RAB8B: variants seen among roughly 807,000 people sequenced by gnomAD.
The protein encoded by RAB8B is RAB8B, member RAS oncogene family, also known as ras-related protein Rab-8B.
Under a neutral mutation model 32.0 loss-of-function variants are expected in RAB8B, and 11 were observed. The observed-to-expected ratio is 0.34, with a 90% CI of 0.22 to 0.57. RAB8B has a LOEUF of 0.57. Among genes scored for constraint, RAB8B ranks in the 20% least tolerant of loss-of-function variants. The pLI is 0.86. For synonymous variants in RAB8B, 103 were observed against 89.6 expected, an observed-to-expected ratio of 1.15 and a Z score of -0.85; for missense variants, 190 against 258.5, an observed-to-expected ratio of 0.73 and a Z score of 1.82.
chr15:63,245,635 G>C (rs968288959), intron 2 of RAB8B, among the ~76,000 whole-genome samples: 1 of 152,156 alleles, frequency 6.6e-6, no homozygotes, highest in Non-Finnish European at 1.5e-5. Context: ...CAGGTTGAGG[G>C]CTGGGTCCCG....
At chr15:63,227,346 C>T (rs1567014731) in intron 1 of RAB8B, among the ~76,000 whole-genome samples, 1 of 152,164 alleles carries the variant, frequency 6.6e-6, no homozygotes, top group Non-Finnish European at 1.5e-5. Flanking sequence ...AGAAATCCTG[C>T]CCCAGGCTTG....
chr15:63,222,663 G>A (rs888541400), intron 1 of RAB8B, among the ~76,000 whole-genome samples: 4 of 151,768 alleles, frequency 2.6e-5, no homozygotes, highest in South Asian at 2.1e-4. Context: ...TCAGCCTCCC[G>A]AGTAACTGGG....
chr15:63,194,678 A>AT (rs1170795004), intron 1 of RAB8B, among the ~76,000 whole-genome samples: 1 of 152,156 alleles, frequency 6.6e-6, no homozygotes, highest in East Asian at 1.9e-4. Flanking sequence ...ACTTTTAGAC[A>AT]TTTTATTCTG....
chr15:63,223,390 A>G (rs2141123156), intron 1 of RAB8B, among the ~76,000 whole-genome samples: 1 of 152,322 alleles, frequency 6.6e-6, no homozygotes, highest in Non-Finnish European at 1.5e-5. Flanking sequence ...GATTACAGGC[A>G]TGAGCCACTG....
intron 1 of RAB8B, among the ~76,000 whole-genome samples, chr15:63,202,845 A>G (rs1314362423): frequency 2.0e-5 from 3 of 152,250 alleles, no homozygotes; most frequent in African/African-American, 7.2e-5. Context: ...TGATTTGTTT[A>G]AGTCTCCATA....
chr15:63,252,041 C>G (rs1010209971), intron 3 of RAB8B, among the ~76,000 whole-genome samples: 2 of 151,756 alleles, frequency 1.3e-5, no homozygotes, highest in Admixed American at 1.3e-4. Context: ...AAAACAGGAC[C>G]ATATCATTAC....
intron 1 of RAB8B, among the ~76,000 whole-genome samples, chr15:63,201,439 G>A (rs1216695140): frequency 6.6e-6 from 1 of 152,204 alleles, no homozygotes; most frequent in African/African-American, 2.4e-5. Context: ...GCCCTTGAAG[G>A]AGGAACTTGA....
At chr15:63,252,625 G>A (rs1291905673) in intron 3 of RAB8B, among the ~76,000 whole-genome samples, 1 of 152,166 alleles carries the variant, frequency 6.6e-6, no homozygotes, top group Non-Finnish European at 1.5e-5. Context: ...ATTGTAGGCA[G>A]CCAAACACAT....
chr15:63,206,579 A>G (rs2037699921), intron 1 of RAB8B, among the ~76,000 whole-genome samples: 1 of 152,022 alleles, frequency 6.6e-6, no homozygotes, highest in Non-Finnish European at 1.5e-5. Flanking sequence ...GCTTGATGTA[A>G]TAATACCTTC....
chr15:63,246,627 C>G (rs1050745039), intron 2 of RAB8B, among the ~76,000 whole-genome samples: 4 of 152,274 alleles, frequency 2.6e-5, no homozygotes. Context: ...CTCCACGTGT[C>G]TCACTCTCCT....
chr15:63,221,283 A>T (rs182897633), intron 1 of RAB8B, among the ~76,000 whole-genome samples: 1 of 152,342 alleles, frequency 6.6e-6, no homozygotes, highest in African/African-American at 2.4e-5. Context: ...GTAGAGTTAC[A>T]TAAACTAAAA....
intron 1 of RAB8B, among the ~76,000 whole-genome samples, chr15:63,209,469 T>G (rs192037770): frequency 1.7e-3 from 264 of 151,926 alleles, no homozygotes; most frequent in African/African-American, 5.9e-3. Context: ...CAGGCACCTG[T>G]AATCCCAGCT....
In RAB8B at chr15:63,211,603, C is replaced by A. The variant is rs193097771; in HGVS notation, c.124+21855C>A. ...CTTTAAATGTATCTTCTTAAAAGTA[C>A]AGGTAGTGTGGTAGAGTTCAAAATT... On this transcript the variant is annotated intron_variant, in intron 1 of 7. Coordinates refer to ENST00000321437, the MANE Select transcript of RAB8B (RefSeq NM_016530.3). 3.1e-3 allele frequency among the ~76,000 whole-genome samples: 476 copies of A among 152,242 alleles called. 4 individuals are homozygous for A. The highest frequency in any genetic ancestry group is 0.014 in the South Asian group (66 of 4,824).
chr15:63,251,098 TAACCA>T (rs2152580810), intron 3 of RAB8B, among the ~76,000 whole-genome samples: 2 of 152,208 alleles, frequency 1.3e-5, no homozygotes, highest in South Asian at 4.2e-4. Context: ...AGTGTACCAC[TAACCA>T]TTTTATGTGT....
intron 1 of RAB8B, among the ~76,000 whole-genome samples, chr15:63,236,896 AC>A (rs1167067011): frequency 2.0e-5 from 3 of 151,790 alleles, no homozygotes; most frequent in Admixed American, 2.0e-4. Context: ...ACTTTCCCCT[AC>A]CCCCCACTAC....
At chr15:63,233,025 G>A (rs544925433) in intron 1 of RAB8B, among the ~76,000 whole-genome samples, 3 of 143,102 alleles carry the variant, frequency 2.1e-5, no homozygotes, top group Non-Finnish European at 1.5e-5. Flanking sequence ...ACAATGCCTT[G>A]ACCTCTTTTT....
chr15:63,219,682 G>A (rs2037827197), intron 1 of RAB8B, among the ~76,000 whole-genome samples: 1 of 152,246 alleles, frequency 6.6e-6, no homozygotes, highest in South Asian at 2.1e-4. Flanking sequence ...CTGTGGGGCA[G>A]TTTGCCACTG....
intron 1 of RAB8B, among the ~76,000 whole-genome samples, chr15:63,224,962 CTTG>C (rs2037876831): frequency 6.6e-6 from 1 of 152,162 alleles, no homozygotes; most frequent in South Asian, 2.1e-4. Context: ...CTGCCACTTT[CTTG>C]TTGTTTGTAC....
chr15:63,240,855 T>C (rs1421699926), intron 1 of RAB8B, among the ~76,000 whole-genome samples: 1 of 151,176 alleles, frequency 6.6e-6, no homozygotes, highest in Admixed American at 6.6e-5. Flanking sequence ...TTTGAAGTGT[T>C]TTAAATGAAT....
Sources: allele counts gnomAD v4.1 joint callset (sites outside exome capture counted in the v4.1 genomes callset), GRCh38; gene constraint gnomAD v4.1.1; transcripts MANE v1.5; gene names NCBI Gene and HGNC (gene_info 2026-07-23, HGNC 2026-07-21).